SYT1: variants seen among roughly 807,000 people sequenced by gnomAD.
SYT1 encodes synaptotagmin 1.
In SYT1, 8 loss-of-function variants were observed where a neutral mutation model predicts 44.8. The observed-to-expected ratio is 0.18, with a 90% CI of 0.10 to 0.32. The LOEUF is 0.32. Ranked by LOEUF, SYT1 falls within the 10% of genes least tolerant of loss-of-function variation. The pLI is 1.00. For synonymous variants in SYT1, 154 were observed against 188.8 expected (o/e 0.82, Z 1.51); for missense variants, 286 against 509.3 (o/e 0.56, Z 4.22).
rs1182410609 is a variant in SYT1 at position 79,179,494 on chromosome 12, TATATAG to T, written c.-17-37991_-17-37986del. Among the ~76,000 whole-genome samples the T allele has an allele frequency of 2.1e-3, 225 of 108,458 alleles. 1 individual carries two copies. The highest frequency in any genetic ancestry group is 6.6e-3 in the African/African-American group (174 of 26,348). The allele number at this position is 108,458 out of a possible 152,430, so 71.2% of individuals were successfully genotyped here. ...ATAGATATAGAGATATAGATATATC[TATATAG>T]ATATAGATATAGATATATCTATATA... On this transcript the variant is annotated intron_variant, in intron 3 of 10. Transcript: ENST00000261205.
intron 8 of SYT1, among the ~76,000 whole-genome samples, chr12:79,349,089 G>A (rs1882772446): frequency 6.8e-6 from 1 of 147,228 alleles, no homozygotes; most frequent in Non-Finnish European, 1.5e-5. Flanking sequence ...AAGGAAGGGA[G>A]GAAGGAAGGA....
At chr12:79,144,468 G>A (rs1869752709) in intron 3 of SYT1, among the ~76,000 whole-genome samples, 1 of 152,106 alleles carries the variant, frequency 6.6e-6, no homozygotes, top group Admixed American at 6.5e-5. Context: ...AGGGAAAGAG[G>A]CTTCTGATTT....
intron 1 of SYT1, among the ~76,000 whole-genome samples, chr12:78,904,283 C>T (rs1875831429): frequency 6.6e-6 from 1 of 151,994 alleles, no homozygotes; most frequent in Non-Finnish European, 1.5e-5. Context: ...TATGATACTT[C>T]TATATTAAGT....
intron 1 of SYT1, among the ~76,000 whole-genome samples, chr12:78,966,773 T>C (rs180805275): frequency 6.6e-6 from 1 of 152,260 alleles, no homozygotes; most frequent in Admixed American, 6.5e-5. Context: ...ATCCTACAGA[T>C]ACATATAAAG....
intron 9 of SYT1, among the ~76,000 whole-genome samples, chr12:79,358,476 T>C (rs531621503): frequency 6.6e-6 from 1 of 152,340 alleles, no homozygotes; most frequent in Admixed American, 6.5e-5. Flanking sequence ...GATAGCATTC[T>C]GATTTTACCA....
intron 1 of SYT1, among the ~76,000 whole-genome samples, chr12:78,974,759 T>C (rs1868692875): frequency 6.6e-6 from 1 of 152,070 alleles, no homozygotes; most frequent in African/African-American, 2.4e-5. Flanking sequence ...TTTAAACCAA[T>C]ATAATAGTTA....
intron 4 of SYT1, among the ~76,000 whole-genome samples, chr12:79,258,222 T>A (rs1476124024): frequency 1.3e-5 from 2 of 152,244 alleles, no homozygotes; most frequent in Non-Finnish European, 2.9e-5. Context: ...TGATTTATTT[T>A]ATTTCAGAAT....
chr12:79,379,055 T>A (rs1045224972), intron 9 of SYT1, among the ~76,000 whole-genome samples: 1 of 152,146 alleles, frequency 6.6e-6, no homozygotes, highest in African/African-American at 2.4e-5. Flanking sequence ...AAATCTTCCA[T>A]AGTAATTTCC....
intron 8 of SYT1, among the ~76,000 whole-genome samples, chr12:79,309,183 G>A (rs1880634420): frequency 6.6e-6 from 1 of 152,278 alleles, no homozygotes; most frequent in South Asian, 2.1e-4. Context: ...TTCCTGTGGG[G>A]GCACTTTGTA....
At chr12:79,239,377 A>G (rs2138645490) in intron 4 of SYT1, among the ~76,000 whole-genome samples, 1 of 152,364 alleles carries the variant, frequency 6.6e-6, no homozygotes. Flanking sequence ...AGAGAAGCCA[A>G]CGGACACATG....
intron 1 of SYT1, among the ~76,000 whole-genome samples, chr12:78,937,896 T>C (rs918572379): frequency 6.6e-6 from 1 of 152,108 alleles, no homozygotes; most frequent in African/African-American, 2.4e-5. Flanking sequence ...GGATGCTGCT[T>C]AGGGTAATTA....
At chr12:79,225,971 C>G (rs1001999761) in intron 4 of SYT1, among the ~76,000 whole-genome samples, 1 of 152,104 alleles carries the variant, frequency 6.6e-6, no homozygotes, top group Non-Finnish European at 1.5e-5. Flanking sequence ...TTAAATTGCT[C>G]TAGCTTCTTC....
In SYT1 at chr12:79,396,976, CAT is replaced by C. The variant is rs1364945243; in HGVS notation, c.928+43360_928+43361del. Among the ~76,000 whole-genome samples the C allele has an allele frequency of 2.6e-5, 4 of 152,248 alleles. 1 individual carries two copies. The highest frequency in any genetic ancestry group is 6.8e-3 in the Middle Eastern group (2 of 294). ...CAGACAAGTTTCTTTAAAAAGGTAA[CAT>C]ATGAAAACCTAGAGGAAGAGGGTTT... On this transcript the variant is annotated intron_variant, in intron 9 of 10. Transcript: ENST00000261205.
chr12:79,357,541 A>G (rs1194373413), intron 9 of SYT1, among the ~76,000 whole-genome samples: 2 of 152,222 alleles, frequency 1.3e-5, no homozygotes, highest in South Asian at 2.1e-4. Context: ...TACTGTAGGT[A>G]ATTGTATTTG....
At chr12:79,054,751 A>C (rs1266554614) in intron 3 of SYT1, among the ~76,000 whole-genome samples, 1 of 151,942 alleles carries the variant, frequency 6.6e-6, no homozygotes, top group Non-Finnish European at 1.5e-5. Context: ...AATATAGAAA[A>C]GTTTGCTTCA....
At chr12:79,258,639 C>G (rs1360504754) in intron 4 of SYT1, among the ~76,000 whole-genome samples, 2 of 151,970 alleles carry the variant, frequency 1.3e-5, no homozygotes, top group Non-Finnish European at 2.9e-5. Context: ...AAAAAATTCC[C>G]AAGAAGACAC....
intron 3 of SYT1, among the ~76,000 whole-genome samples, chr12:79,047,629 TATC>T (rs1874168954): frequency 1.3e-5 from 2 of 151,884 alleles, no homozygotes; most frequent in South Asian, 4.1e-4. Context: ...ACTAGCATAG[TATC>T]ATCTTAAATT....
At chr12:79,245,175 C>G (rs2138668450) in intron 4 of SYT1, among the ~76,000 whole-genome samples, 1 of 151,856 alleles carries the variant, frequency 6.6e-6, no homozygotes, top group Non-Finnish European at 1.5e-5. Flanking sequence ...TTCATAAGAA[C>G]TTCATTATTG....
chr12:78,991,697 C>G (rs1870031937), intron 2 of SYT1, among the ~76,000 whole-genome samples: 1 of 152,054 alleles, frequency 6.6e-6, no homozygotes, highest in Non-Finnish European at 1.5e-5. Context: ...ATTAGAAAAA[C>G]TCAAACATTC....
Sources: allele counts gnomAD v4.1 joint callset (sites outside exome capture counted in the v4.1 genomes callset), GRCh38; gene constraint gnomAD v4.1.1; transcripts MANE v1.5; gene names NCBI Gene and HGNC (gene_info 2026-07-23, HGNC 2026-07-21).